The following CAMK4 variants were observed in gnomAD, a reference collection of about 807,000 sequenced individuals.
CAMK4 encodes the protein calcium/calmodulin dependent protein kinase IV, also known as calcium/calmodulin-dependent protein kinase type IV.
CAMK4 carries 22 observed loss-of-function variants against 44.9 expected under a neutral mutation model. That is an observed-to-expected ratio of 0.49 (90% CI 0.35 to 0.70). CAMK4 has a LOEUF of 0.70. Among genes scored for constraint, CAMK4 ranks in the 30% least tolerant of loss-of-function variants. The probability of loss-of-function intolerance (pLI) is 0.01; values close to 1 mark genes in which losing one functional copy is unlikely to be tolerated. For missense variants in CAMK4, 498 were observed against 586.8 expected, an observed-to-expected ratio of 0.85 and a Z score of 1.56; for synonymous variants, 218 against 215.4, an observed-to-expected ratio of 1.01 and a Z score of -0.11.
At chr5:111,379,689 T>C (rs964486730) in intron 4 of CAMK4, among the ~76,000 whole-genome samples, 7 of 152,134 alleles carry the variant, frequency 4.6e-5, no homozygotes, top group African/African-American at 1.7e-4. Context: ...TACTTAATTG[T>C]GATGATAAGA....
chr5:111,273,826 G>C (rs1013305412), intron 1 of CAMK4, among the ~76,000 whole-genome samples: 1 of 149,892 alleles, frequency 6.7e-6, no homozygotes, highest in Non-Finnish European at 1.5e-5. Context: ...TGTTTGTCTT[G>C]TGTGTGTGTC....
chr5:111,391,311 A>C (rs746621544), intron 4 of CAMK4, among the ~76,000 whole-genome samples: 1 of 152,136 alleles, frequency 6.6e-6, no homozygotes, highest in Non-Finnish European at 1.5e-5. Flanking sequence ...AGAGCCATGA[A>C]ACTAGAAAAG....
chr5:111,425,929 T>A (rs992975168), intron 5 of CAMK4, among the ~76,000 whole-genome samples: 30 of 152,318 alleles, frequency 2.0e-4, no homozygotes, highest in African/African-American at 7.2e-4. Context: ...TTAACCTGAA[T>A]TGGCAATATC....
At chr5:111,336,163 A>G (rs1213638392) in intron 1 of CAMK4, among the ~76,000 whole-genome samples, 1 of 151,304 alleles carries the variant, frequency 6.6e-6, no homozygotes, top group Non-Finnish European at 1.5e-5. Flanking sequence ...AGAATATGTT[A>G]TAAATGGATA....
intron 5 of CAMK4, among the ~76,000 whole-genome samples, chr5:111,400,857 C>G (rs1752197362): frequency 6.6e-6 from 1 of 152,142 alleles, no homozygotes; most frequent in Admixed American, 6.5e-5. Flanking sequence ...TACCAAACCC[C>G]TTTTCCATGG....
At chr5:111,328,208 C>A (rs1190020157) in intron 1 of CAMK4, among the ~76,000 whole-genome samples, 1 of 150,204 alleles carries the variant, frequency 6.7e-6, no homozygotes, top group Non-Finnish European at 1.5e-5. Context: ...GGAAGGGATC[C>A]AGTTTCAGCT....
chr5:111,470,336 C>G (rs1189908882), intron 7 of CAMK4, among the ~76,000 whole-genome samples: 1 of 152,146 alleles, frequency 6.6e-6, no homozygotes, highest in Admixed American at 6.5e-5. Flanking sequence ...AGGAATAATT[C>G]ATCTGTAGAT....
At chr5:111,249,658 G>GTGTATA (rs1554054676) in intron 1 of CAMK4, among the ~76,000 whole-genome samples, 1 of 97,792 alleles carries the variant, frequency 1.0e-5, no homozygotes. Flanking sequence ...GTGTGTGTGT[G>GTGTATA]TATATATATG....
intron 1 of CAMK4, among the ~76,000 whole-genome samples, chr5:111,308,709 T>C (rs531188256): frequency 6.6e-6 from 1 of 152,222 alleles, no homozygotes; most frequent in Non-Finnish European, 1.5e-5. Context: ...TAGAATCATT[T>C]ATGTTATGGA....
chr5:111,477,099 T>C (rs1755272713), intron 8 of CAMK4, among the ~76,000 whole-genome samples: 1 of 152,146 alleles, frequency 6.6e-6, no homozygotes, highest in Non-Finnish European at 1.5e-5. Flanking sequence ...GACTCTCTCG[T>C]TGTCAGGGTG....
At chr5:111,378,908 A>G (rs1561450568) in intron 4 of CAMK4, among the ~76,000 whole-genome samples, 3 of 151,526 alleles carry the variant, frequency 2.0e-5, no homozygotes, top group Admixed American at 6.6e-5. Context: ...ACATGTTCCC[A>G]TGTCCTCAAG....
In CAMK4 at chr5:111,231,553, A is replaced by G. The variant is rs553104701; in HGVS notation, c.161+6909A>G. On this transcript the variant is annotated intron_variant, in intron 1 of 10. Transcript: ENST00000282356. ...CACATTTTCTTTCAGTTATGTAGAT[A>G]GTGAACAACAACAAGGAGATTGATA... Among the ~76,000 whole-genome samples, 17 of 152,366 alleles carry G rather than the reference A, an allele frequency of 1.1e-4. No individual in the cohort carries two copies. The South Asian group carries it at 3.3e-3, about 30-fold the overall frequency.
At chr5:111,470,047 A>G (rs899921007) in intron 7 of CAMK4, among the ~76,000 whole-genome samples, 1 of 152,256 alleles carries the variant, frequency 6.6e-6, no homozygotes, top group African/African-American at 2.4e-5. Flanking sequence ...TGCAAGTGGA[A>G]TATGCATGCT....
intron 5 of CAMK4, among the ~76,000 whole-genome samples, chr5:111,412,188 G>A (rs78793709): frequency 0.014 from 2,091 of 152,188 alleles, 22 homozygotes; most frequent in Middle Eastern, 0.041. Context: ...AATGCAGGAA[G>A]AAAAGAGAAA....
At position 111,427,496 on chromosome 5, in the gene CAMK4, C is replaced by T. The variant is rs1038850428; in HGVS notation, c.460-19190C>T. 1.8e-4 allele frequency among the ~76,000 whole-genome samples: 27 copies of T among 152,252 alleles called. 1 individual carries two copies. Among genetic ancestry groups the T allele is most frequent in the East Asian group, 5.8e-4 (3 of 5,164 alleles). On this transcript the variant is annotated intron_variant, in intron 5 of 10. Transcript: ENST00000282356. The stretch of plus-strand genomic sequence containing the variant: ...GAATCTTGGGTGGCAATTTTGGACC[C>T]GCCCTACCCCAGAGGGGAGCCCACT...
intron 5 of CAMK4, among the ~76,000 whole-genome samples, chr5:111,445,384 T>C (rs1753989555): frequency 6.6e-6 from 1 of 152,130 alleles, no homozygotes; most frequent in Non-Finnish European, 1.5e-5. Context: ...TATTACCTTG[T>C]GTATATACAT....
intron 7 of CAMK4, among the ~76,000 whole-genome samples, chr5:111,472,384 C>T (rs567136249): frequency 5.9e-5 from 9 of 152,242 alleles, no homozygotes; most frequent in East Asian, 3.9e-4. Flanking sequence ...TGGCACCTGC[C>T]GCACTTGTGT....
Position 111,440,699 on chromosome 5 carries a change from C to T in CAMK4, c.460-5987C>T, listed in dbSNP as rs1249353028. On this transcript the variant is annotated intron_variant, in intron 5 of 10. Transcript: ENST00000282356. ...AGAGGAAGGAAGAGGTAAACATATC[C>T]AAACTCAGCTATTTACTGTAATTGA... Among the ~76,000 whole-genome samples the T allele has an allele frequency of 4.0e-5, 6 of 149,554 alleles. No homozygotes were observed. The East Asian group carries it at 9.7e-4, about 24-fold the overall frequency.
chr5:111,354,454 A>C (rs1750242643), intron 2 of CAMK4, among the ~76,000 whole-genome samples: 1 of 151,852 alleles, frequency 6.6e-6, no homozygotes, highest in Non-Finnish European at 1.5e-5. Flanking sequence ...ACAAAAAAAA[A>C]AAAACTACGT....
Sources: allele counts gnomAD v4.1 joint callset (sites outside exome capture counted in the v4.1 genomes callset), GRCh38; gene constraint gnomAD v4.1.1; transcripts MANE v1.5; gene names NCBI Gene and HGNC (gene_info 2026-07-23, HGNC 2026-07-21).